The following KMT2E variants were observed in gnomAD, a reference collection of about 807,000 sequenced individuals.
KMT2E encodes the protein histone reader KMT2E.
Under a neutral mutation model 184.6 loss-of-function variants are expected in KMT2E, and 30 were observed. That is an observed-to-expected ratio of 0.16 (90% CI 0.12 to 0.22). KMT2E has a LOEUF of 0.22. Among genes scored for constraint, KMT2E ranks in the 10% least tolerant of loss-of-function variants. KMT2E has a pLI of 1.00. For synonymous variants in KMT2E, 815 were observed against 776.5 expected (o/e 1.05, Z -0.82); for missense variants, 2,023 against 2,237.4 (o/e 0.90, Z 1.93).
In KMT2E at chr7:105,112,346, A is replaced by T; in HGVS notation, c.4590A>T (p.Thr1530=). The part of the protein sequence containing the change: ...TQTPSGQSSA[T]YSQFNQQSLN... ...CACCCTCAGGACAATCTTCAGCAACATACAGTCAGTTTAACCAACAAAGTC... is the reference window on the plus strand; with the variant it reads ...CACCCTCAGGACAATCTTCAGCAACTTACAGTCAGTTTAACCAACAAAGTC... Residue 1530 remains threonine (T), a synonymous_variant, in exon 27 of 27, where the codon ACA becomes ACT. Transcript: ENST00000311117. 6.2e-7 allele frequency: 1 copy of T among 1,613,430 alleles called. No individual in the cohort carries two copies. The highest frequency in any genetic ancestry group is 1.1e-5 in the South Asian group (1 of 91,082).
chr7:105,051,480 T>C (rs12534140), intron 3 of KMT2E, among the ~76,000 whole-genome samples: 42,714 of 152,078 alleles, frequency 0.28, 8,972 homozygotes, highest in East Asian at 0.64. Context: ...CCACTGCCCC[T>C]GCATCATCTA....
chr7:105,077,498 C>T, intron 11 of KMT2E, 65 bp downstream of exon 11: 1 of 1,278,148 alleles, frequency 7.8e-7, no homozygotes. Context: ...GGCTGTTTTA[C>T]CTAGATGTTG....
In KMT2E at chr7:105,101,963, T is replaced by C. The variant is rs776120581; in HGVS notation, c.1965T>C (p.Ser655=). ...GAACTAAACAGAGAAAAAGTTTTTC[T>C]CGGAGTAGGACTCACATTGGACAGC... The part of the protein sequence containing the change: ...VNRTKQRKSF[S]RSRTHIGQQR... The change falls in exon 17 of 27, where the codon TCT becomes TCC. Residue 655 remains serine (S), a synonymous_variant. Coordinates refer to ENST00000311117, the MANE Select transcript of KMT2E (RefSeq NM_182931.3). 1 of 1,613,852 alleles carries C rather than the reference T, an allele frequency of 6.2e-7. No individual in the cohort carries two copies. Among genetic ancestry groups the C allele is most frequent in the Non-Finnish European group, 8.5e-7 (1 of 1,179,900 alleles).
intron 1 of KMT2E, among the ~76,000 whole-genome samples, chr7:105,020,516 C>G (rs947422662): frequency 2.0e-5 from 3 of 152,024 alleles, no homozygotes; most frequent in Non-Finnish European, 2.9e-5. Context: ...ACCTGGGAGG[C>G]GGAGGTTGCA....
intron 5 of KMT2E, chr7:105,064,144 T>C (rs1796931329): frequency 3.4e-6 from 1 of 292,714 alleles, no homozygotes; most frequent in Non-Finnish European, 6.8e-6. Flanking sequence ...AGTGGGGTTT[T>C]GTATCATTTT....
intron 13 of KMT2E, among the ~76,000 whole-genome samples, chr7:105,082,538 G>A (rs1318757848): frequency 6.6e-6 from 1 of 152,146 alleles, no homozygotes; most frequent in Admixed American, 6.5e-5. Flanking sequence ...TTAAGTGGAA[G>A]TGGATTATCG....
chr7:105,052,920 T>C (rs989796661), intron 3 of KMT2E, among the ~76,000 whole-genome samples: 7 of 152,016 alleles, frequency 4.6e-5, no homozygotes, highest in Non-Finnish European at 8.8e-5. Flanking sequence ...TGAAGTTTAT[T>C]ATATTAAGAA....
At chr7:105,038,003 C>CT (rs1318959904) in intron 1 of KMT2E, 123 bp from the exon 2 acceptor site, 2 of 151,974 alleles carry the variant, frequency 1.3e-5, no homozygotes, top group Non-Finnish European at 2.9e-5. Context: ...TAAATTTATC[C>CT]TTTTAAGAAT....
chr7:105,111,310 T>A (rs1004533522), intron 26 of KMT2E: 14 of 168,806 alleles, frequency 8.3e-5, no homozygotes, highest in Non-Finnish European at 1.8e-4. Flanking sequence ...AATGTGAGAT[T>A]TATCTTTTTT....
chr7:105,025,996 A>G (rs1795161946), intron 1 of KMT2E, among the ~76,000 whole-genome samples: 1 of 152,220 alleles, frequency 6.6e-6, no homozygotes, highest in Non-Finnish European at 1.5e-5. Context: ...ATGTAGGAAC[A>G]AGAAACCAGA....
In KMT2E at chr7:105,109,101, G is replaced by A. The variant is rs773847644; in HGVS notation, c.3628G>A (p.Asp1210Asn). 1 of 1,614,136 alleles carries A rather than the reference G, an allele frequency of 6.2e-7. No individual in the cohort carries two copies. Among genetic ancestry groups the A allele is most frequent in the Non-Finnish European group, 8.5e-7 (1 of 1,179,994 alleles). Residue 1210 changes from aspartate (D) to asparagine (N), a missense_variant, in exon 23 of 27, where the codon GAC becomes AAC. By Grantham distance (23) the Asp-to-Asn change is conservative. Transcript: ENST00000311117. ...ASSNDNGEQV[D>N]HTASLPLPTP... is the part of the protein sequence containing the mutation. ...CAGTAATGACAATGGGGAGCAGGTGGACCACACTGCTAGCCTACCTTTACC... is the reference window on the plus strand; with the variant it reads ...CAGTAATGACAATGGGGAGCAGGTGAACCACACTGCTAGCCTACCTTTACC...
chr7:105,063,421 A>C lies in KMT2E; in HGVS notation c.257A>C (p.Lys86Thr), dbSNP rs751507681. 2 of 1,613,802 alleles carry C rather than the reference A, an allele frequency of 1.2e-6. No individual in the cohort carries two copies. Among genetic ancestry groups the C allele is most frequent in the Non-Finnish European group, 1.7e-6 (2 of 1,179,918 alleles). ...CCTCCTCCATCAGTCCTTATTAGCA[A>C]AAATGAAGTAGGCATATTTACCACT... ...ASPPPSVLIS[K>T]NEVGIFTTPN... is the part of the protein sequence containing the mutation. Residue 86 changes from lysine to threonine, a missense_variant, in exon 5 of 27, where the codon AAA becomes ACA. By Grantham distance (78) the Lys-to-Thr change is moderately conservative. Transcript: ENST00000311117.
chr7:105,110,224 A>G, intron 23 of KMT2E, 56 bp from the exon 24 acceptor site: 1 of 1,345,738 alleles, frequency 7.4e-7, no homozygotes, highest in African/African-American at 1.4e-5. Flanking sequence ...ATGAAGCAAC[A>G]ATGTAACTAG....
chr7:105,050,630 TC>T (rs1796290690), intron 3 of KMT2E, among the ~76,000 whole-genome samples: 2 of 139,814 alleles, frequency 1.4e-5, no homozygotes, highest in African/African-American at 2.6e-5. Flanking sequence ...CCTTTTCTTT[TC>T]TTTTCTCTTT....
chr7:105,111,765 A>T, intron 26 of KMT2E, 60 bp from the exon 27 acceptor site: 5 of 1,526,768 alleles, frequency 3.3e-6, no homozygotes, highest in Non-Finnish European at 4.4e-6. Context: ...ACCAACAAGA[A>T]TAAACCTCAA....
intron 13 of KMT2E, among the ~76,000 whole-genome samples, chr7:105,083,210 G>A (rs555198984): frequency 1.9e-4 from 29 of 152,306 alleles, no homozygotes; most frequent in South Asian, 4.1e-4. Context: ...TGGCATCTTC[G>A]ATGGTATAAT....
chr7:105,077,023 A>G lies in KMT2E; in HGVS notation c.829A>G (p.Ile277Val), dbSNP rs1375639707. 5 of 1,613,814 alleles carry G rather than the reference A, an allele frequency of 3.1e-6. No individual in the cohort carries two copies. Among genetic ancestry groups the G allele is most frequent in the African/African-American group, 2.7e-5 (2 of 74,840 alleles). ...DGSNFGWETK[I>V]KAWMDRYEEA... ...TTCAAATTTTGGATGGGAGACAAAG[A>G]TCAAAGCATGGATGGATCGATATGA... Residue 277 changes from isoleucine to valine, a missense_variant, in exon 10 of 27, where the codon ATC (isoleucine) becomes GTC (valine). By Grantham distance (29) the Ile-to-Val change is conservative. Coordinates refer to ENST00000311117, the MANE Select transcript of KMT2E (RefSeq NM_182931.3).
chr7:105,018,040 A>G (rs1453129572), intron 1 of KMT2E, among the ~76,000 whole-genome samples: 1 of 152,122 alleles, frequency 6.6e-6, no homozygotes, highest in African/African-American at 2.4e-5. Flanking sequence ...TAGGAGAAAA[A>G]TTTCCCCTCA....
At chr7:105,048,396 G>A (rs1426752384) in intron 3 of KMT2E, among the ~76,000 whole-genome samples, 1 of 151,806 alleles carries the variant, frequency 6.6e-6, no homozygotes, top group African/African-American at 2.4e-5. Flanking sequence ...CCAAATGAAG[G>A]ATTAAATACT....
Sources: gnomAD v4.1 joint callset for allele counts (sites outside exome capture counted in the v4.1 genomes callset) on GRCh38, gnomAD v4.1.1 for gene constraint, MANE v1.5 for transcripts, NCBI Gene and HGNC (gene_info 2026-07-23, HGNC 2026-07-21) for gene names.